USP20: variants seen among roughly 807,000 people sequenced by gnomAD.
The protein encoded by USP20 is ubiquitin specific peptidase 20.
Under a neutral mutation model 124.2 loss-of-function variants are expected in USP20, and 80 were observed. The ratio of observed to expected loss-of-function variants is 0.64; its 90% confidence interval spans 0.54 to 0.78. The LOEUF (loss-of-function observed/expected upper bound fraction) is 0.78. Among genes scored for constraint, USP20 ranks in the 30% least tolerant of loss-of-function variants. The probability of loss-of-function intolerance (pLI) is 0.00; values close to 1 mark genes in which losing one functional copy is unlikely to be tolerated. For missense variants in USP20, 1,043 were observed against 1,244.4 expected (o/e 0.84, Z 2.44); for synonymous variants, 481 against 512.3 (o/e 0.94, Z 0.83).
Position 129,878,395 on chromosome 9 carries a change from C to T in USP20, c.2467C>T (p.Gln823Ter). The change falls in exon 23 of 26, where the codon CAG (glutamine) becomes TAG (stop). Residue 823 changes from glutamine (Q) to a stop codon, truncating the protein, a stop_gained. Coordinates refer to ENST00000372429, the MANE Select transcript of USP20 (RefSeq NM_001110303.4). LOFTEE classifies it high-confidence loss of function. ...GGGCGTCATCTACTGCATCAGCATG[C>T]AGTGGTTCCGGGAGTGGGAGGCGTT... The part of the protein sequence containing the change: ...SPGVIYCISM[Q>*]WFREWEAFVK... The T allele has an allele frequency of 1.2e-6, 2 of 1,610,866 alleles. No individual in the cohort carries two copies. Among genetic ancestry groups the T allele is most frequent in the Non-Finnish European group, 1.7e-6 (2 of 1,178,594 alleles).
At position 129,878,396 on chromosome 9, in the gene USP20, A is replaced by C. The variant is rs760415441; in HGVS notation, c.2468A>C (p.Gln823Pro). ...SPGVIYCISM[Q>P]WFREWEAFVK... The stretch of plus-strand genomic sequence containing the variant: ...GGCGTCATCTACTGCATCAGCATGC[A>C]GTGGTTCCGGGAGTGGGAGGCGTTC... The change falls in exon 23 of 26, where the codon CAG (glutamine) becomes CCG (proline). Residue 823 changes from glutamine to proline, a missense_variant. Gln to Pro is a moderately conservative substitution (Grantham distance 76). Coordinates refer to ENST00000372429, the MANE Select transcript of USP20 (RefSeq NM_001110303.4). 1.9e-6 allele frequency: 3 copies of C among 1,611,030 alleles called. No individual in the cohort carries two copies. Among genetic ancestry groups the C allele is most frequent in the Non-Finnish European group, 2.5e-6 (3 of 1,178,648 alleles).
At position 129,835,501 on chromosome 9, in the gene USP20, T is replaced by G; in HGVS notation, c.-129+2T>G. 2.9e-6 allele frequency: 1 copy of G among 347,618 alleles called. No homozygotes were observed. The highest frequency in any genetic ancestry group is 5.2e-6 in the Non-Finnish European group (1 of 192,590). The allele number at this position is 347,618 out of a possible 1,614,324, so 21.5% of individuals were successfully genotyped here. A position where few individuals can be genotyped will look rare whatever the true frequency, so the allele number is the denominator to read the frequency against. On this transcript the variant is annotated splice_donor_variant, in intron 1 of 25. Transcript: ENST00000372429. LOFTEE classifies it low-confidence loss of function (5UTR_SPLICE). ...GCGGCGGCGCAGTTGCGAGTGCAGG[T>G]GAGTTCCGGGCCGCCACCGGCTGCT...
At position 129,873,760 on chromosome 9, in the gene USP20, C is replaced by T. The variant is rs771744549; in HGVS notation, c.1740+16C>T. 10 of 1,609,752 alleles carry T rather than the reference C, an allele frequency of 6.2e-6. No homozygotes were observed. The highest frequency in any genetic ancestry group is 7.6e-6 in the Non-Finnish European group (9 of 1,179,922). On this transcript the variant is annotated intron_variant, in intron 17 of 25. Coordinates refer to ENST00000372429, the MANE Select transcript of USP20 (RefSeq NM_001110303.4). Reference sequence around the variant, plus strand: ...GTTGCCCGAGGTGAGCCAGTGGCCTCGGCAGCCTCCTCCTCAGCTATCTCG... The same window carrying T: ...GTTGCCCGAGGTGAGCCAGTGGCCTTGGCAGCCTCCTCCTCAGCTATCTCG...
At chr9:129,873,563 C>T in intron 16 of USP20, 48 bp downstream of exon 16, 1 of 1,613,904 alleles carries the variant, frequency 6.2e-7, no homozygotes, top group Non-Finnish European at 8.5e-7. Context: ...TTTCTGTGCC[C>T]TACATATTCC....
intron 1 of USP20, among the ~76,000 whole-genome samples, chr9:129,838,688 T>C (rs2032017909): frequency 6.6e-6 from 1 of 152,208 alleles, no homozygotes; most frequent in Non-Finnish European, 1.5e-5. Context: ...CCAGAAATCA[T>C]GATTTTCCTA....
At chr9:129,870,410 C>T (rs1444613937) in intron 14 of USP20, 43 bp from the exon 15 acceptor site, 14 of 1,598,678 alleles carry the variant, frequency 8.8e-6, no homozygotes, top group Middle Eastern at 1.7e-4. Flanking sequence ...CCTGTTCTTG[C>T]CCAGGCCCTG....
intron 1 of USP20, among the ~76,000 whole-genome samples, chr9:129,844,206 A>G (rs1049287984): frequency 6.6e-6 from 1 of 152,208 alleles, no homozygotes; most frequent in Admixed American, 6.5e-5. Flanking sequence ...AGCTTAAATT[A>G]TATGTGGTAT....
At position 129,879,580 on chromosome 9, in the gene USP20, C is replaced by T. The variant is rs189375407; in HGVS notation, c.2520C>T (p.Pro840=). The T allele has an allele frequency of 3.4e-4, 542 of 1,613,600 alleles. No individual in the cohort carries two copies. Among genetic ancestry groups the T allele is most frequent in the African/African-American group, 2.1e-3 (161 of 75,052 alleles). ...CCGCTGTGTCTGTTGCAGAGCCCCC[C>T]GGGCCCATTGACAACAGCAGGATTG... ...AFVKGKDNEP[P]GPIDNSRIAQ... Residue 840 remains proline (P), a synonymous_variant, in exon 24 of 26, where the codon CCC becomes CCT. Coordinates refer to ENST00000372429, the MANE Select transcript of USP20 (RefSeq NM_001110303.4). This position sits in a 1 kb window ranked among gnomAD's most constrained non-coding sequence, Gnocchi z 4.2.
chr9:129,842,954 A>G (rs940946459), intron 1 of USP20, among the ~76,000 whole-genome samples: 18 of 152,058 alleles, frequency 1.2e-4, no homozygotes, highest in African/African-American at 4.1e-4. Flanking sequence ...CCTTCATAGA[A>G]ATGATTTTTA....
rs550372439 is a variant in USP20 at position 129,851,721 on chromosome 9, A to G, written c.-16-819A>G. Among the ~76,000 whole-genome samples the G allele has an allele frequency of 2.8e-4, 42 of 152,298 alleles. 1 individual carries two copies. The highest frequency in any genetic ancestry group is 9.6e-4 in the East Asian group (5 of 5,184). On this transcript the variant is annotated intron_variant, in intron 2 of 25. Coordinates refer to ENST00000372429, the MANE Select transcript of USP20 (RefSeq NM_001110303.4). The stretch of plus-strand genomic sequence containing the variant: ...TTGGGAAAGATGTTTGCTACTTGTT[A>G]TCAGTGATTTATTTTACTTTGTGCT...
chr9:129,875,276 A>G, intron 19 of USP20, 34 bp from the exon 20 acceptor site: 3 of 1,569,202 alleles, frequency 1.9e-6, no homozygotes, highest in East Asian at 2.3e-5. Flanking sequence ...GGCAGCCGTC[A>G]GGCACAGCTT....
In USP20 at chr9:129,835,519, CG is replaced by C. The variant is rs991642963; in HGVS notation, c.-129+22del. 13 of 283,944 alleles carry C rather than the reference CG, an allele frequency of 4.6e-5. No homozygotes were observed. The highest frequency in any genetic ancestry group is 2.9e-4 in the African/African-American group (13 of 44,722). The allele number at this position is 283,944 out of a possible 1,614,324, so 17.6% of individuals were successfully genotyped here. ...GTGCAGGTGAGTTCCGGGCCGCCAC[CG>C]GCTGCTTCTGTGGGCCGGGCCTCTG... On this transcript the variant is annotated intron_variant, in intron 1 of 25. Coordinates refer to ENST00000372429, the MANE Select transcript of USP20 (RefSeq NM_001110303.4).
intron 25 of USP20, 58 bp from the exon 26 acceptor site, chr9:129,880,409 A>C (rs1042628914): frequency 7.4e-6 from 9 of 1,221,010 alleles, no homozygotes; most frequent in East Asian, 5.2e-5. Context: ...TTCCTGGAGG[A>C]TGTGGGAGGG....
In USP20 at chr9:129,869,168, A is replaced by G. The variant is rs115614377; in HGVS notation, c.1277-142A>G. 434 of 1,310,396 alleles carry G rather than the reference A, an allele frequency of 3.3e-4. 1 individual carries two copies. The African/African-American group carries it at 5.8e-3, about 17-fold the overall frequency. 81.2% of individuals were successfully genotyped at this position (1,310,396 alleles called of 1,614,324 possible). On this transcript the variant is annotated intron_variant, in intron 12 of 25. Transcript: ENST00000372429. Reference sequence around the variant, plus strand: ...AGCCACGTTTTGCAGAGGATGACACAGAGGCATGAGATGGTGAATTGCTTA... The same window carrying G: ...AGCCACGTTTTGCAGAGGATGACACGGAGGCATGAGATGGTGAATTGCTTA...
At chr9:129,852,972 C>G (rs1473723807) in intron 3 of USP20, among the ~76,000 whole-genome samples, 1 of 152,094 alleles carries the variant, frequency 6.6e-6, no homozygotes, top group African/African-American at 2.4e-5. Flanking sequence ...CAGGAGGGCT[C>G]AGGGAAGCCT....
intron 4 of USP20, 83 bp downstream of exon 4, chr9:129,856,443 ACT>A: frequency 1.3e-6 from 2 of 1,512,234 alleles, no homozygotes; most frequent in Non-Finnish European, 1.8e-6. Flanking sequence ...AGTGGGCTAG[ACT>A]CTGGGCTGGG....
rs1021590760 is a variant in USP20, at chr9:129,874,635, C to T, written c.1800C>T (p.Asn600=). 11 of 1,613,784 alleles carry T rather than the reference C, an allele frequency of 6.8e-6. No individual in the cohort carries two copies. In the African/African-American group the frequency reaches 1.1e-4, roughly 16 times the overall value. The change falls in exon 18 of 26, where the codon AAC becomes AAT. Residue 600 remains asparagine, a synonymous_variant. Transcript: ENST00000372429. ...RHEVMYSFKI[N]SHVSFPLEGL... ...AGGTGATGTACTCATTCAAGATCAA[C>T]AGCCACGTCTCCTTCCCCCTCGAGG...
chr9:129,849,025 C>T (rs2032749977), intron 1 of USP20, among the ~76,000 whole-genome samples: 1 of 152,198 alleles, frequency 6.6e-6, no homozygotes, highest in Non-Finnish European at 1.5e-5. Flanking sequence ...CAGCCTGGGC[C>T]TGCTGAACAC....
At chr9:129,851,099 G>C (rs778185276) in intron 2 of USP20, among the ~76,000 whole-genome samples, 1 of 152,080 alleles carries the variant, frequency 6.6e-6, no homozygotes, top group Non-Finnish European at 1.5e-5. Context: ...TCCTGGATTT[G>C]ATTCTGCTAA....
Sources: gnomAD v4.1 joint callset for allele counts (sites outside exome capture counted in the v4.1 genomes callset) on GRCh38, gnomAD v4.1.1 for gene constraint, Gnocchi (gnomAD v3.1) non-coding constraint, MANE v1.5 for transcripts, NCBI Gene and HGNC (gene_info 2026-07-23, HGNC 2026-07-21) for gene names.